The following ANK2 variants were observed in gnomAD, a reference collection of about 807,000 sequenced individuals.
The protein encoded by ANK2 is ankyrin-2.
ANK2 carries 83 observed loss-of-function variants against 360.5 expected under a neutral mutation model. That is an observed-to-expected ratio of 0.23 (90% CI 0.19 to 0.28). The LOEUF is 0.28. Ranked by LOEUF, ANK2 falls within the 10% of genes least tolerant of loss-of-function variation. The probability of loss-of-function intolerance (pLI) is 1.00; values close to 1 mark genes in which losing one functional copy is unlikely to be tolerated. For synonymous variants in ANK2, 1,740 were observed against 1,759.5 expected (o/e 0.99, Z 0.28); for missense variants, 4,201 against 4,795.7 (o/e 0.88, Z 3.66).
intron 2 of ANK2, among the ~76,000 whole-genome samples, chr4:112,919,875 A>C (rs2090998768): frequency 6.6e-6 from 1 of 152,174 alleles, no homozygotes. Flanking sequence ...TAAATCTGTC[A>C]GCCTAACTAT....
At chr4:113,250,277 A>C (rs543216263) in intron 10 of ANK2, among the ~76,000 whole-genome samples, 1 of 152,184 alleles carries the variant, frequency 6.6e-6, no homozygotes, top group African/African-American at 2.4e-5. Flanking sequence ...TCCAATCTTT[A>C]TCTCTTAGGC....
At position 113,237,170 on chromosome 4, in the gene ANK2, A is replaced by G. The variant is rs2099389632; in HGVS notation, c.667A>G (p.Lys223Glu). 6.2e-7 allele frequency: 1 copy of G among 1,613,254 alleles called. No homozygotes were observed. Among genetic ancestry groups the G allele is most frequent in the African/African-American group, 1.3e-5 (1 of 74,906 alleles). ...QNDHNADVQS[K>E]MMVNRTTESG... ...TGACCACAATGCTGACGTACAATCC[A>G]AGGTACTTAAAGCTGAACACATTTG... Residue 223 changes from lysine to glutamate, a missense_variant and splice_region_variant, in exon 6 of 46, where the codon AAG (lysine) becomes GAG (glutamate). By Grantham distance (56) the Lys-to-Glu change is moderately conservative (BLOSUM62 1). This residue lies in a region of ANK2 where 122 missense variants were observed against 239.3 expected (regional missense o/e 0.51). Transcript: ENST00000357077.
intron 2 of ANK2, among the ~76,000 whole-genome samples, chr4:113,185,335 G>A (rs1452718505): frequency 6.6e-6 from 1 of 152,168 alleles, no homozygotes; most frequent in East Asian, 1.9e-4. Flanking sequence ...CACCAATACT[G>A]TAAAAGTGCT....
At position 113,355,830 on chromosome 4, in the gene ANK2, A is replaced by C. The variant is rs181064820; in HGVS notation, c.7212A>C (p.Arg2404Ser). Residue 2404 changes from arginine (R) to serine (S), a missense_variant, in exon 38 of 46, where the codon AGA becomes AGC. Transcript: ENST00000357077. ...GTESKPQGVIRSPQGLELALP... is the reference protein window; with the variant it reads ...GTESKPQGVISSPQGLELALP... ...AATCAAAACCTCAGGGAGTCATTAGAAGTCCCCAAGGGTTAGAACTTGCAC... is the reference window on the plus strand; with the variant it reads ...AATCAAAACCTCAGGGAGTCATTAGCAGTCCCCAAGGGTTAGAACTTGCAC... The C allele has an allele frequency of 6.2e-7, 1 of 1,614,110 alleles. No individual in the cohort carries two copies. Among genetic ancestry groups the C allele is most frequent in the South Asian group, 1.1e-5 (1 of 91,086 alleles).
chr4:113,366,043 C>A (rs1047233610), intron 41 of ANK2, among the ~76,000 whole-genome samples: 1 of 152,144 alleles, frequency 6.6e-6, no homozygotes, highest in Non-Finnish European at 1.5e-5. Context: ...AGCATTAAAC[C>A]ATGCTTTAAT....
chr4:113,117,476 C>T (rs938626787), intron 1 of ANK2: 8 of 447,518 alleles, frequency 1.8e-5, no homozygotes, highest in African/African-American at 1.6e-4. Context: ...CACCATCAGC[C>T]TCAGAACTGG....
chr4:113,149,874 C>CAAAAAAAAAAAA (rs34667216), intron 1 of ANK2, among the ~76,000 whole-genome samples: 14 of 31,398 alleles, frequency 4.5e-4, no homozygotes, highest in African/African-American at 1.2e-3. Flanking sequence ...GACCCTGCCT[C>CAAAAAAAAAAAA]AAAAAAAAAA....
chr4:113,214,393 T>C lies in ANK2; in HGVS notation c.384+15284T>C, dbSNP rs1365859304. On this transcript the variant is annotated intron_variant, in intron 4 of 45. Coordinates refer to ENST00000357077, the MANE Select transcript of ANK2 (RefSeq NM_001148.6). ...CCATTGTTCCTTCTTTTCTTTGTCATCTTGGAGGCACGGACCGGAGAGAGG... is the reference window on the plus strand; with the variant it reads ...CCATTGTTCCTTCTTTTCTTTGTCACCTTGGAGGCACGGACCGGAGAGAGG... 1.5e-5 allele frequency: 13 copies of C among 877,432 alleles called. 1 individual carries two copies. In the East Asian group the frequency reaches 3.2e-4, roughly 21 times the overall value. 54.4% of individuals were successfully genotyped at this position (877,432 alleles called of 1,614,324 possible). A position where few individuals can be genotyped will look rare whatever the true frequency, so the allele number is the denominator to read the frequency against.
chr4:113,266,877 CA>C (rs375127476), intron 14 of ANK2, among the ~76,000 whole-genome samples: 118 of 142,824 alleles, frequency 8.3e-4, no homozygotes, highest in East Asian at 1.4e-3. Flanking sequence ...AACTCTGTCT[CA>C]AAAAAAAAAA....
chr4:113,156,368 A>ATTTTTTTTTT (rs1218946870), intron 1 of ANK2, among the ~76,000 whole-genome samples: 3 of 79,136 alleles, frequency 3.8e-5, no homozygotes, highest in African/African-American at 1.0e-4. Context: ...ATGTAGAAAA[A>ATTTTTTTTTT]TTCTTTTTTT....
At chr4:113,180,878 G>A (rs2098395184) in intron 2 of ANK2, among the ~76,000 whole-genome samples, 1 of 152,138 alleles carries the variant, frequency 6.6e-6, no homozygotes, top group South Asian at 2.1e-4. Flanking sequence ...GAAGCAAAAG[G>A]TGATGTTTCC....
the ANK2 span, among the ~76,000 whole-genome samples, chr4:112,794,887 C>A: frequency 2.0e-5 from 3 of 152,038 alleles, no homozygotes; most frequent in Non-Finnish European, 4.4e-5. Context: ...CAACTGTGAG[C>A]GTAATAGAAT....
At chr4:113,196,624 C>T (rs1048453122) in intron 3 of ANK2, among the ~76,000 whole-genome samples, 158 bp downstream of exon 3, 1 of 152,136 alleles carries the variant, frequency 6.6e-6, no homozygotes, top group Non-Finnish European at 1.5e-5. Context: ...ACCTCCTGGG[C>T]TCAAGTGACC....
chr4:112,816,531 A>G (rs1479019446), upstream of ANK2, among the ~76,000 whole-genome samples: 2 of 152,118 alleles, frequency 1.3e-5, no homozygotes, highest in East Asian at 1.9e-4. Flanking sequence ...TATATTGATT[A>G]CAATATCAAA....
chr4:113,233,126 T>C (rs2099336657), intron 5 of ANK2, among the ~76,000 whole-genome samples: 2 of 92,636 alleles, frequency 2.2e-5, no homozygotes, highest in African/African-American at 4.2e-5. Flanking sequence ...TTTTTTTTTT[T>C]TTTTTTTTTT....
Position 113,340,485 on chromosome 4 carries a change from G to T in ANK2, c.3893+1163G>T, listed in dbSNP as rs545836464. ...AGACAGGTGGATTGCTTGAGCCCAG[G>T]AGTTCAAGACTAGCTTGGGCAACAT... On this transcript the variant is annotated intron_variant, in intron 32 of 45. Transcript: ENST00000357077. Among the ~76,000 whole-genome samples the T allele has an allele frequency of 9.2e-5, 14 of 152,232 alleles. No homozygotes were observed. The South Asian group carries it at 2.9e-3, about 32-fold the overall frequency.
At chr4:112,876,183 A>G (rs1348515465) in intron 1 of ANK2, among the ~76,000 whole-genome samples, 1 of 152,162 alleles carries the variant, frequency 6.6e-6, no homozygotes. Context: ...GAACAAATAG[A>G]AAGTCAAACA....
At position 113,358,673 on chromosome 4, in the gene ANK2, T is replaced by C. The variant is rs1423106712; in HGVS notation, c.10055T>C (p.Val3352Ala). The C allele has an allele frequency of 6.2e-6, 10 of 1,613,886 alleles. 2 individuals are homozygous for C. In the South Asian group the frequency reaches 9.9e-5, roughly 16 times the overall value. The change falls in exon 38 of 46, where the codon GTA becomes GCA. Residue 3352 changes from valine to alanine, a missense_variant. Coordinates refer to ENST00000357077, the MANE Select transcript of ANK2 (RefSeq NM_001148.6). Reference protein sequence around the residue: ...AKPKSKLPVKVPLQRVEQQLS... With the variant: ...AKPKSKLPVKAPLQRVEQQLS... ...CCAAAGTCCAAACTCCCTGTCAAAGTACCCCTCCAAAGAGTTGAACAGCAG... is the reference window on the plus strand; with the variant it reads ...CCAAAGTCCAAACTCCCTGTCAAAGCACCCCTCCAAAGAGTTGAACAGCAG...
chr4:112,970,175 G>A (rs1447978017), intron 2 of ANK2, among the ~76,000 whole-genome samples: 1 of 151,484 alleles, frequency 6.6e-6, no homozygotes, highest in Non-Finnish European at 1.5e-5. Flanking sequence ...TAGTAGAGAC[G>A]GGGTTTCACC....
Sources: allele counts gnomAD v4.1 joint callset (sites outside exome capture counted in the v4.1 genomes callset), GRCh38; gene constraint gnomAD v4.1.1; regional missense constraint gnomAD v4.1.1; transcripts MANE v1.5; gene names NCBI Gene and HGNC (gene_info 2026-07-23, HGNC 2026-07-21).